The following POC1B variants were observed in gnomAD, a reference collection of about 807,000 sequenced individuals.
POC1B encodes the protein POC1 centriolar protein B, also known as POC1 centriolar protein homolog B.
POC1B carries 44 observed loss-of-function variants against 60.6 expected under a neutral mutation model. That is an observed-to-expected ratio of 0.73 (90% CI 0.57 to 0.93). The LOEUF is 0.93. POC1B is among the 40% of genes least tolerant of loss of function. The pLI is 0.00. For missense variants in POC1B, 555 were observed against 572.3 expected, an observed-to-expected ratio of 0.97 and a Z score of 0.31; for synonymous variants, 180 against 198.9, an observed-to-expected ratio of 0.90 and a Z score of 0.80.
chr12:89,509,134 A>T (rs886085479), intron 2 of POC1B, among the ~76,000 whole-genome samples: 3 of 152,234 alleles, frequency 2.0e-5, no homozygotes, highest in Non-Finnish European at 4.4e-5. Context: ...TGAATATTTT[A>T]AAAATGTATT....
chr12:89,469,420 T>C (rs1882804375), intron 7 of POC1B, among the ~76,000 whole-genome samples: 1 of 152,208 alleles, frequency 6.6e-6, no homozygotes, highest in South Asian at 2.1e-4. Context: ...ATCACCTTTC[T>C]TTCTAATAAA....
intron 2 of POC1B, chr12:89,524,064 A>T (rs1455008212): frequency 1.2e-6 from 2 of 1,613,656 alleles, no homozygotes; most frequent in East Asian, 4.5e-5. Flanking sequence ...GAACTGCAGG[A>T]GAAGTTTCTA....
At chr12:89,507,390 G>A (rs1453978956) in intron 2 of POC1B, among the ~76,000 whole-genome samples, 3 of 150,236 alleles carry the variant, frequency 2.0e-5, no homozygotes, top group Non-Finnish European at 4.4e-5. Context: ...ATAATAAAAT[G>A]TATTTGGTTA....
intron 10 of POC1B, among the ~76,000 whole-genome samples, chr12:89,444,307 G>A (rs950691759): frequency 4.6e-5 from 7 of 152,200 alleles, no homozygotes; most frequent in East Asian, 1.9e-4. Flanking sequence ...AACGAAAAAA[G>A]AATATTTTAG....
chr12:89,475,226 AGCTAAAAGTGC>A (rs1397066752), intron 4 of POC1B, among the ~76,000 whole-genome samples: 1 of 152,266 alleles, frequency 6.6e-6, no homozygotes, highest in Admixed American at 6.5e-5. Context: ...TATCTTGGTC[AGCTAAAAGTGC>A]CTCCTGAGCA....
chr12:89,405,988 GTTT>G, the POC1B span, among the ~76,000 whole-genome samples: 2 of 122,378 alleles, frequency 1.6e-5, no homozygotes, highest in Non-Finnish European at 1.8e-5. Flanking sequence ...AGTTTTGAGT[GTTT>G]TTTTTTTTTT....
At position 89,523,356 on chromosome 12, in the gene POC1B, G is replaced by A. The variant is rs863223348; in HGVS notation, c.100+1764C>T. ...CATAAGCTTCTTTTCTTGCTGGAGGGTTTCTATTGTAGAAGTGCTCTTTGT... is the reference window on the plus strand; with the variant it reads ...CATAAGCTTCTTTTCTTGCTGGAGGATTTCTATTGTAGAAGTGCTCTTTGT... On this transcript the variant is annotated intron_variant, in intron 2 of 11. Coordinates refer to ENST00000313546, the MANE Select transcript of POC1B (RefSeq NM_172240.3). 7 of 1,614,044 alleles carry A rather than the reference G, an allele frequency of 4.3e-6. No individual in the cohort carries two copies. Among genetic ancestry groups the A allele is most frequent in the East Asian group, 2.2e-5 (1 of 44,878 alleles).
chr12:89,487,787 C>G (rs4842488), intron 4 of POC1B, among the ~76,000 whole-genome samples: 29,355 of 152,102 alleles, frequency 0.19, 3,242 homozygotes, highest in South Asian at 0.36. Flanking sequence ...ATGCCACTGC[C>G]TCCTCTTCCC....
chr12:89,499,618 G>C (rs945798687), intron 2 of POC1B, among the ~76,000 whole-genome samples: 1 of 144,754 alleles, frequency 6.9e-6, no homozygotes, highest in African/African-American at 2.5e-5. Context: ...ATAAGGAAAG[G>C]ATTTTTTTTT....
At chr12:89,477,325 G>A (rs1332647285) in intron 4 of POC1B, among the ~76,000 whole-genome samples, 4 of 152,130 alleles carry the variant, frequency 2.6e-5, no homozygotes, top group African/African-American at 4.8e-5. Context: ...GAGACAAAAA[G>A]CAGATGAAAA....
At chr12:89,467,064 A>G (rs983780074) in intron 8 of POC1B, 142 bp from the exon 9 acceptor site, 2 of 582,698 alleles carry the variant, frequency 3.4e-6, no homozygotes, top group African/African-American at 1.9e-5. Context: ...CTATTTCTCA[A>G]TATCTTTTTT....
intron 10 of POC1B, among the ~76,000 whole-genome samples, chr12:89,453,517 A>T (rs1882137514): frequency 6.6e-6 from 1 of 152,188 alleles, no homozygotes; most frequent in South Asian, 2.1e-4. Flanking sequence ...CTGTTTCCTA[A>T]TGCTTAGGAA....
chr12:89,491,792 C>T (rs563199026), intron 4 of POC1B, 144 bp downstream of exon 4: 109 of 585,158 alleles, frequency 1.9e-4, no homozygotes, highest in Non-Finnish European at 2.7e-4. Context: ...TGTTTACTAC[C>T]GTTCCCGCAC....
In POC1B at chr12:89,525,734, C is replaced by G. The variant is rs1342077729; in HGVS notation, c.15+147G>C. ...CGCCCCGATGGCAGAGAGTGAGATA[C>G]GGACGCCCCGGGACGAGGGGCTCAG... On this transcript the variant is annotated intron_variant, in intron 1 of 11. Coordinates refer to ENST00000313546, the MANE Select transcript of POC1B (RefSeq NM_172240.3). The G allele has an allele frequency of 4.7e-6, 6 of 1,284,900 alleles. No individual in the cohort carries two copies. In the Admixed American group the frequency reaches 1.0e-4, roughly 22 times the overall value. 79.6% of individuals were successfully genotyped at this position (1,284,900 alleles called of 1,614,324 possible). A position where few individuals can be genotyped will look rare whatever the true frequency, so the allele number is the denominator to read the frequency against.
chr12:89,437,945 G>A (rs866736107), intron 10 of POC1B, among the ~76,000 whole-genome samples: 10 of 151,806 alleles, frequency 6.6e-5, no homozygotes, highest in African/African-American at 2.4e-4. Context: ...TACTCCAGAG[G>A]CTGAGGCAGG....
At chr12:89,525,298 G>C in intron 1 of POC1B, 94 bp from the exon 2 acceptor site, 1 of 1,486,176 alleles carries the variant, frequency 6.7e-7, no homozygotes, top group Non-Finnish European at 8.9e-7. Flanking sequence ...AGTCCGGCTT[G>C]GGAATGGCCA....
At chr12:89,488,163 C>T (rs1275824022) in intron 4 of POC1B, among the ~76,000 whole-genome samples, 3 of 151,970 alleles carry the variant, frequency 2.0e-5, no homozygotes, top group African/African-American at 7.3e-5. Flanking sequence ...TTCAATACAA[C>T]GACAACGAAT....
chr12:89,513,651 C>T (rs935677623), intron 2 of POC1B, among the ~76,000 whole-genome samples: 1 of 152,182 alleles, frequency 6.6e-6, no homozygotes, highest in African/African-American at 2.4e-5. Flanking sequence ...TCAAACCAGG[C>T]TCTATTAGGC....
chr12:89,402,359 ACACACACACACCCC>A, the POC1B span, among the ~76,000 whole-genome samples: 54 of 152,060 alleles, frequency 3.6e-4, no homozygotes, highest in African/African-American at 1.3e-3. Context: ...ACACACACAC[ACACACACACACCCC>A]TTTAAAAATT....
Sources: allele counts gnomAD v4.1 joint callset (sites outside exome capture counted in the v4.1 genomes callset), GRCh38; gene constraint gnomAD v4.1.1; transcripts MANE v1.5; gene names NCBI Gene and HGNC (gene_info 2026-07-23, HGNC 2026-07-21).